SLC6A20: variants seen among roughly 807,000 people sequenced by gnomAD.
The protein encoded by SLC6A20 is solute carrier family 6 member 20, also known as sodium- and chloride-dependent transporter XTRP3.
A neutral mutation model predicts 64.3 loss-of-function variants in SLC6A20; 73 were observed. The ratio of observed to expected loss-of-function variants is 1.14; its 90% CI spans 0.94 to 1.38. SLC6A20 has a LOEUF of 1.38. Among genes scored for constraint, SLC6A20 ranks in the 40% most tolerant of loss-of-function variants. The pLI is 0.00. For missense variants in SLC6A20, 725 were observed against 772.8 expected (o/e 0.94, Z 0.73); for synonymous variants, 347 against 329.6 (o/e 1.05, Z -0.57).
intron 1 of SLC6A20, among the ~76,000 whole-genome samples, chr3:45,784,830 G>A (rs571619974): frequency 1.3e-5 from 2 of 152,302 alleles, no homozygotes; most frequent in South Asian, 4.1e-4. Flanking sequence ...AGTATCTGGA[G>A]AGGGCCTTCT....
chr3:45,759,724 A>T (rs991069971), intron 10 of SLC6A20, 133 bp downstream of exon 10: 10 of 1,170,366 alleles, frequency 8.5e-6, no homozygotes, highest in African/African-American at 6.2e-5. Context: ...AAAATACCTC[A>T]GTGATATTTC....
chr3:45,757,244 C>T lies in SLC6A20; in HGVS notation c.*1734G>A, dbSNP rs1699561705. On this transcript the variant is annotated 3_prime_UTR_variant, in exon 11 of 11. Coordinates refer to ENST00000358525, the MANE Select transcript of SLC6A20 (RefSeq NM_020208.4). ...GGACAAGCAGGAGACAGAAGCCTTC[C>T]TCTTATCTCAACTGCAAAGAGGCCT... 6.6e-6 allele frequency: 1 copy of T among 151,554 alleles called. No homozygotes were observed. Among genetic ancestry groups the T allele is most frequent in the African/African-American group, 2.4e-5 (1 of 41,214 alleles). The allele number at this position is 151,554 out of a possible 1,614,324, so 9.4% of individuals were successfully genotyped here.
intron 1 of SLC6A20, among the ~76,000 whole-genome samples, chr3:45,794,458 C>A (rs923774582): frequency 6.6e-6 from 1 of 152,170 alleles, no homozygotes. Context: ...CACCCAGCCA[C>A]CAATCCATGC....
rs964392325 is a variant in SLC6A20, at chr3:45,765,643, C to T, written c.1197G>A (p.Leu399=). 1.2e-6 allele frequency: 2 copies of T among 1,614,206 alleles called. No individual in the cohort carries two copies. Among genetic ancestry groups the T allele is most frequent in the Non-Finnish European group, 1.7e-6 (2 of 1,180,032 alleles). Residue 399 remains leucine, a synonymous_variant, in exon 8 of 11, where the codon CTG becomes CTA. Coordinates refer to ENST00000358525, the MANE Select transcript of SLC6A20 (RefSeq NM_020208.4). This position sits in a 1 kb window ranked among gnomAD's most constrained non-coding sequence, Gnocchi z 4.2. ...QLWSVLYFFM[L]LMLGIGSMLG... is the part of the protein sequence containing the mutation. ...GCATGCTCCCAATGCCCAGCATCAG[C>T]AGCATGAAGAAGTAGAGCACCGACC...
At chr3:45,766,503 C>T (rs1004977336) in intron 7 of SLC6A20, among the ~76,000 whole-genome samples, 4 of 152,188 alleles carry the variant, frequency 2.6e-5, no homozygotes, top group African/African-American at 9.6e-5. Context: ...AACATCCCTC[C>T]CCGAGGTGGC....
rs1453840389 is a variant in SLC6A20 at position 45,782,171 on chromosome 3, G to A, written c.174C>T (p.Leu58=). Residue 58 remains leucine, a synonymous_variant, in exon 2 of 11, where the codon CTC becomes CTT. Transcript: ENST00000358525. ...GCCCCACAGCCAGTTCCAGGTACAA[G>A]AGCGGCATTCCCTCCACGATAAGCA... is the stretch of plus-strand genomic sequence containing the variant. ...IIMLIVEGMP[L]LYLELAVGQR... 6.2e-7 allele frequency: 1 copy of A among 1,613,898 alleles called. No homozygotes were observed. The highest frequency in any genetic ancestry group is 8.5e-7 in the Non-Finnish European group (1 of 1,179,920).
In SLC6A20 at chr3:45,770,243, A is replaced by G; in HGVS notation, c.1064T>C (p.Ile355Thr). 1.9e-6 allele frequency: 3 copies of G among 1,614,084 alleles called. No homozygotes were observed. The East Asian group carries it at 6.7e-5, about 36-fold the overall frequency. ...PSKYSEMFPQ[I>T]KNCSLESELD... ...CTCCGATTCCAAGCTGCAGTTTTTG[A>G]TTTGCGGGAACATCTCGCTGTATTT... The change falls in exon 7 of 11, where the codon ATC becomes ACC. Residue 355 changes from isoleucine to threonine, a missense_variant. Transcript: ENST00000358525.
intron 3 of SLC6A20, among the ~76,000 whole-genome samples, 192 bp from the exon 4 acceptor site, chr3:45,776,180 G>T (rs1375864494): frequency 6.6e-6 from 1 of 152,146 alleles, no homozygotes; most frequent in Non-Finnish European, 1.5e-5. Context: ...GGTGAGGCAG[G>T]AAGGGGTTGG....
chr3:45,779,643 C>G (rs1700035365), intron 3 of SLC6A20, among the ~76,000 whole-genome samples: 1 of 152,150 alleles, frequency 6.6e-6, no homozygotes, highest in Non-Finnish European at 1.5e-5. Flanking sequence ...TTGAGGGAAT[C>G]CCTCCCCACC....
chr3:45,763,040 T>C lies in SLC6A20; in HGVS notation c.1336A>G (p.Met446Val), dbSNP rs1470700879. ...TTCCCAGCCTCCATCGTGAACACCATGCCAATGGCACAGTTGACAAGGCAC... is the reference window on the plus strand; with the variant it reads ...TTCCCAGCCTCCATCGTGAACACCACGCCAATGGCACAGTTGACAAGGCAC... Reference protein sequence around the residue: ...LVCLVNCAIGMVFTMEAGNYW... With the variant: ...LVCLVNCAIGVVFTMEAGNYW... Residue 446 changes from methionine (M) to valine (V), a missense_variant, in exon 9 of 11, where the codon ATG (methionine) becomes GTG (valine). By Grantham distance (21) the Met-to-Val change is conservative. Transcript: ENST00000358525. 3 of 1,614,106 alleles carry C rather than the reference T, an allele frequency of 1.9e-6. No homozygotes were observed. Among genetic ancestry groups the C allele is most frequent in the Non-Finnish European group, 2.5e-6 (3 of 1,180,028 alleles).
At chr3:45,790,680 C>A (rs940826384) in intron 1 of SLC6A20, among the ~76,000 whole-genome samples, 1 of 152,184 alleles carries the variant, frequency 6.6e-6, no homozygotes, top group African/African-American at 2.4e-5. Flanking sequence ...CTCCAGCTAC[C>A]CAGTGCATCC....
intron 1 of SLC6A20, among the ~76,000 whole-genome samples, chr3:45,783,292 T>C (rs1700125966): frequency 6.6e-6 from 1 of 152,202 alleles, no homozygotes; most frequent in Non-Finnish European, 1.5e-5. Context: ...ACACTACAAC[T>C]GCAAAGATTA....
intron 1 of SLC6A20, 115 bp downstream of exon 1, chr3:45,796,184 G>T (rs1362610476): frequency 1.3e-6 from 2 of 1,486,180 alleles, no homozygotes; most frequent in East Asian, 5.2e-5. Flanking sequence ...GACAAATCAC[G>T]CTCGCTTTCC....
chr3:45,758,834 C>G lies in SLC6A20; in HGVS notation c.*144G>C. On this transcript the variant is annotated 3_prime_UTR_variant, in exon 11 of 11. Transcript: ENST00000358525. ...TGCGTTCTCCCAAGGGAGTTTTCTT[C>G]CTGCACACCTTCCTCATCTTCTTTA... 7.3e-7 allele frequency: 1 copy of G among 1,367,756 alleles called. No individual in the cohort carries two copies. 84.7% of individuals were successfully genotyped at this position (1,367,756 alleles called of 1,614,324 possible). A position where few individuals can be genotyped will look rare whatever the true frequency, so the allele number is the denominator to read the frequency against.
intron 1 of SLC6A20, among the ~76,000 whole-genome samples, chr3:45,783,705 A>G (rs142132134): frequency 4.4e-4 from 67 of 152,386 alleles, no homozygotes; most frequent in African/African-American, 1.5e-3. Context: ...CACACCACAG[A>G]AAGAAAGGCA....
In SLC6A20 at chr3:45,758,821, A is replaced by G; in HGVS notation, c.*157T>C. The G allele has an allele frequency of 7.3e-7, 1 of 1,367,440 alleles. No homozygotes were observed. The highest frequency in any genetic ancestry group is 2.8e-5 in the East Asian group (1 of 35,332). The allele number at this position is 1,367,440 out of a possible 1,614,324, so 84.7% of individuals were successfully genotyped here. Reference sequence around the variant, plus strand: ...CCACGGGAGGGTGTGCGTTCTCCCAAGGGAGTTTTCTTCCTGCACACCTTC... The same window carrying G: ...CCACGGGAGGGTGTGCGTTCTCCCAGGGGAGTTTTCTTCCTGCACACCTTC... On this transcript the variant is annotated 3_prime_UTR_variant, in exon 11 of 11. Coordinates refer to ENST00000358525, the MANE Select transcript of SLC6A20 (RefSeq NM_020208.4).
At chr3:45,781,772 G>A (rs144895828) in intron 2 of SLC6A20, among the ~76,000 whole-genome samples, 42 of 152,290 alleles carry the variant, frequency 2.8e-4, no homozygotes, top group African/African-American at 9.6e-4. Context: ...TGTTAGCTAG[G>A]ACTTGGAGTT....
At chr3:45,785,752 C>T (rs1336582941) in intron 1 of SLC6A20, among the ~76,000 whole-genome samples, 7 of 152,268 alleles carry the variant, frequency 4.6e-5, no homozygotes, top group African/African-American at 9.6e-5. Flanking sequence ...CATTCTTCAG[C>T]GCTCCTCCCC....
rs930943547 is a variant in SLC6A20 at position 45,796,486 on chromosome 3, C to G, written c.-67G>C. The G allele has an allele frequency of 2.5e-5, 38 of 1,500,470 alleles. No homozygotes were observed. In the African/African-American group the frequency reaches 4.3e-4, roughly 17 times the overall value. 92.9% of individuals were successfully genotyped at this position (1,500,470 alleles called of 1,614,324 possible). On this transcript the variant is annotated 5_prime_UTR_variant, in exon 1 of 11. Coordinates refer to ENST00000358525, the MANE Select transcript of SLC6A20 (RefSeq NM_020208.4). ...GCACGGCAGTCTCAGTGCGCGGTCG[C>G]CAGGCGCGCCGTCCCACCCCGGCTC...
Sources: gnomAD v4.1 joint callset for allele counts (sites outside exome capture counted in the v4.1 genomes callset) on GRCh38, gnomAD v4.1.1 for gene constraint, Gnocchi (gnomAD v3.1) non-coding constraint, MANE v1.5 for transcripts, NCBI Gene and HGNC (gene_info 2026-07-23, HGNC 2026-07-21) for gene names.